Variants in PITPNC1 observed in about 807,000 individuals in gnomAD.
The protein encoded by PITPNC1 is cytoplasmic phosphatidylinositol transfer protein 1.
PITPNC1 carries 18 observed loss-of-function variants against 44.7 expected under a neutral mutation model. That is an observed-to-expected ratio of 0.40 (90% CI 0.28 to 0.60). The LOEUF is 0.60. PITPNC1 is among the 20% of genes least tolerant of loss of function. The probability of loss-of-function intolerance (pLI) is 0.39; values close to 1 mark genes in which losing one functional copy is unlikely to be tolerated. For synonymous variants in PITPNC1, 141 were observed against 149.6 expected, an observed-to-expected ratio of 0.94 and a Z score of 0.42; for missense variants, 290 against 418.4, an observed-to-expected ratio of 0.69 and a Z score of 2.68.
At chr17:67,554,740 A>C (rs1322819133) in intron 4 of PITPNC1, among the ~76,000 whole-genome samples, 2 of 152,204 alleles carry the variant, frequency 1.3e-5, no homozygotes, top group East Asian at 1.9e-4. Context: ...GAATGAACAC[A>C]CAAATTCTAG....
At chr17:67,587,435 A>G (rs1180934711) in intron 5 of PITPNC1, among the ~76,000 whole-genome samples, 1 of 152,138 alleles carries the variant, frequency 6.6e-6, no homozygotes, top group East Asian at 1.9e-4. Context: ...TCAAGGCTGC[A>G]GTGAACCATG....
intron 5 of PITPNC1, among the ~76,000 whole-genome samples, chr17:67,631,657 A>AAATATATATATATATATATAT (rs1555574522): frequency 1.3e-4 from 1 of 7,670 alleles, no homozygotes; most frequent in Non-Finnish European, 2.9e-4. Context: ...AAAAAAAAAA[A>AAATATATATATATATATATAT]ATATATATAT....
At chr17:67,442,958 CTA>C (rs770695028) in intron 1 of PITPNC1, among the ~76,000 whole-genome samples, 4 of 152,184 alleles carry the variant, frequency 2.6e-5, no homozygotes, top group Non-Finnish European at 4.4e-5. Flanking sequence ...AGCTCTCACA[CTA>C]ATCCAGGCTC....
intron 6 of PITPNC1, among the ~76,000 whole-genome samples, chr17:67,660,518 T>TTTTATTTATTTATTTA (rs1007987447): frequency 4.4e-4 from 62 of 139,428 alleles, no homozygotes; most frequent in East Asian, 1.5e-3. Flanking sequence ...TTTTATTTTA[T>TTTTATTTATTTATTTA]TTTATTTATT....
At chr17:67,658,064 A>G (rs1226079080) in intron 6 of PITPNC1, among the ~76,000 whole-genome samples, 1 of 152,232 alleles carries the variant, frequency 6.6e-6, no homozygotes, top group Non-Finnish European at 1.5e-5. Flanking sequence ...CAACTGGTCC[A>G]GGTTCCTCTT....
chr17:67,465,610 C>G (rs1471217329), intron 1 of PITPNC1, among the ~76,000 whole-genome samples: 1 of 152,018 alleles, frequency 6.6e-6, no homozygotes, highest in Non-Finnish European at 1.5e-5. Context: ...TGACAGAGCC[C>G]CTGCACTGGA....
chr17:67,611,414 C>T (rs2041685494), intron 5 of PITPNC1: 1 of 152,194 alleles, frequency 6.6e-6, no homozygotes, highest in East Asian at 1.9e-4. Flanking sequence ...ACCAATATAA[C>T]CAGGAAATTT....
At chr17:67,394,178 G>T (rs959341432) in intron 1 of PITPNC1, among the ~76,000 whole-genome samples, 2 of 151,946 alleles carry the variant, frequency 1.3e-5, no homozygotes, top group African/African-American at 2.4e-5. Flanking sequence ...CTGATTCTTA[G>T]ATCAAAAGCA....
chr17:67,553,808 A>G (rs566019833), intron 4 of PITPNC1, among the ~76,000 whole-genome samples, 191 bp downstream of exon 4: 31 of 152,356 alleles, frequency 2.0e-4, no homozygotes, highest in African/African-American at 6.3e-4. Flanking sequence ...TTTGTTCAAG[A>G]ATGTGAATCC....
At chr17:67,473,473 C>T (rs1252939616) in intron 1 of PITPNC1, among the ~76,000 whole-genome samples, 2 of 151,134 alleles carry the variant, frequency 1.3e-5, no homozygotes, top group Non-Finnish European at 3.0e-5. Context: ...GGACTACAGG[C>T]GCCCGCCACT....
At chr17:67,571,524 CT>C (rs1568045496) in intron 4 of PITPNC1, among the ~76,000 whole-genome samples, 1 of 151,576 alleles carries the variant, frequency 6.6e-6, no homozygotes, top group Non-Finnish European at 1.5e-5. Flanking sequence ...TAGCTGGGTC[CT>C]TGGCTCAGGC....
At chr17:67,416,255 G>A (rs1487112671) in intron 1 of PITPNC1, among the ~76,000 whole-genome samples, 1 of 114,812 alleles carries the variant, frequency 8.7e-6, no homozygotes, top group Non-Finnish European at 1.6e-5. Context: ...TGTTGTCCAT[G>A]CTGGAGTGCA....
intron 1 of PITPNC1, among the ~76,000 whole-genome samples, chr17:67,380,592 C>A (rs1295351700): frequency 6.6e-6 from 1 of 152,134 alleles, no homozygotes; most frequent in East Asian, 1.9e-4. Context: ...TTAGCTAAAT[C>A]TGATGATGGA....
chr17:67,519,110 C>T (rs2040293456), intron 1 of PITPNC1, among the ~76,000 whole-genome samples: 1 of 150,668 alleles, frequency 6.6e-6, no homozygotes. Flanking sequence ...TAGGTCTGTA[C>T]TCAAAGTAAT....
chr17:67,530,551 C>A (rs566404371), intron 1 of PITPNC1, among the ~76,000 whole-genome samples: 1 of 152,160 alleles, frequency 6.6e-6, no homozygotes, highest in East Asian at 1.9e-4. Flanking sequence ...TCTGTAAAGA[C>A]CCTATCTCCA....
chr17:67,482,049 G>C (rs140712238), intron 1 of PITPNC1, among the ~76,000 whole-genome samples: 2 of 152,156 alleles, frequency 1.3e-5, no homozygotes, highest in Non-Finnish European at 2.9e-5. Context: ...TTAGGGTAGC[G>C]TGACCTCCCC....
chr17:67,551,016 G>C (rs2040755333), intron 2 of PITPNC1, among the ~76,000 whole-genome samples: 1 of 152,172 alleles, frequency 6.6e-6, no homozygotes, highest in Admixed American at 6.5e-5. Flanking sequence ...AGCCGAGACT[G>C]CACCAGTGCA....
chr17:67,412,374 C>G lies in PITPNC1; in HGVS notation c.48+34172C>G, dbSNP rs1264332176. Among the ~76,000 whole-genome samples the G allele has an allele frequency of 2.0e-5, 3 of 152,056 alleles. No homozygotes were observed. In the East Asian group the frequency reaches 5.8e-4, roughly 29 times the overall value. ...GTGCTGATGGCACAAGCTCCAGGAGCCTTGGAATTAGCCAAGTTCTCCAAC... is the reference window on the plus strand; with the variant it reads ...GTGCTGATGGCACAAGCTCCAGGAGGCTTGGAATTAGCCAAGTTCTCCAAC... On this transcript the variant is annotated intron_variant, in intron 1 of 8. Transcript: ENST00000581322.
chr17:67,394,350 A>C (rs2038184350), intron 1 of PITPNC1, among the ~76,000 whole-genome samples: 1 of 152,076 alleles, frequency 6.6e-6, no homozygotes, highest in Admixed American at 6.6e-5. Context: ...TTGTGTTGTA[A>C]ATGTGTAATG....
Sources: allele counts gnomAD v4.1 joint callset (sites outside exome capture counted in the v4.1 genomes callset), GRCh38; gene constraint gnomAD v4.1.1; transcripts MANE v1.5; gene names NCBI Gene and HGNC (gene_info 2026-07-23, HGNC 2026-07-21).